The following GRID1 variants were observed in gnomAD, a reference collection of about 807,000 sequenced individuals.
GRID1 encodes glutamate ionotropic receptor delta type subunit 1.
GRID1 carries 28 observed loss-of-function variants against 98.0 expected under a neutral mutation model. The observed-to-expected ratio is 0.29, with a 90% CI of 0.21 to 0.39. GRID1 has a LOEUF of 0.39. GRID1 is among the 10% of genes least tolerant of loss of function. The probability of loss-of-function intolerance (pLI) is 1.00; values close to 1 mark genes in which losing one functional copy is unlikely to be tolerated. For missense variants in GRID1, 1,111 were observed against 1,340.5 expected (o/e 0.83, Z 2.67); for synonymous variants, 553 against 538.5 (o/e 1.03, Z -0.37).
chr10:86,342,775 GGGCAAACCCTGTGCGCTGT>G (rs1277316676), intron 2 of GRID1, among the ~76,000 whole-genome samples: 1 of 152,252 alleles, frequency 6.6e-6, no homozygotes, highest in African/African-American at 2.4e-5. Context: ...CCCCAGCAGT[GGGCAAACCCTGTGCGCTGT>G]GAGCCCCGGC....
At chr10:85,776,161 C>A (rs189545147) in intron 8 of GRID1, among the ~76,000 whole-genome samples, 3 of 152,250 alleles carry the variant, frequency 2.0e-5, no homozygotes, top group Non-Finnish European at 4.4e-5. Context: ...CCCTTGCCTG[C>A]TGGAGGAAAT....
At chr10:85,978,866 C>T (rs1020447360) in intron 4 of GRID1, among the ~76,000 whole-genome samples, 11 of 152,206 alleles carry the variant, frequency 7.2e-5, no homozygotes, top group South Asian at 2.1e-4. Context: ...CCTCCTGGAA[C>T]GCTTACAGTA....
chr10:85,602,411 C>A lies in GRID1; in HGVS notation c.2892G>T (p.Met964Ile), dbSNP rs202246059. 7.1e-5 allele frequency: 115 copies of A among 1,613,852 alleles called. No homozygotes were observed. The highest frequency in any genetic ancestry group is 9.3e-5 in the Non-Finnish European group (110 of 1,179,978). ...PLSSSATMPS[M>I]QCKHRSPNGG... ...CGTTGGGTGACCTGTGTTTGCACTGCATGGAGGGCATGGTCGCCGAGCTGC... is the reference window on the plus strand; with the variant it reads ...CGTTGGGTGACCTGTGTTTGCACTGAATGGAGGGCATGGTCGCCGAGCTGC... The change falls in exon 16 of 16, where the codon ATG (methionine) becomes ATT (isoleucine). Residue 964 changes from methionine (M) to isoleucine (I), a missense_variant. Met to Ile is a conservative substitution (Grantham distance 10). Around this residue, in one of 3 missense-constraint regions of GRID1, gnomAD observed 762 missense variants for 869.1 expected, o/e 0.88. Transcript: ENST00000327946.
chr10:86,299,646 A>G (rs1464877701), intron 2 of GRID1, among the ~76,000 whole-genome samples: 1 of 152,176 alleles, frequency 6.6e-6, no homozygotes, highest in African/African-American at 2.4e-5. Flanking sequence ...AGTGGGCAAT[A>G]AGATTTCAAT....
At chr10:85,855,834 T>G (rs1467610553) in intron 7 of GRID1, among the ~76,000 whole-genome samples, 195 bp downstream of exon 7, 3 of 152,200 alleles carry the variant, frequency 2.0e-5, no homozygotes, top group African/African-American at 7.2e-5. Context: ...AATGATAGTA[T>G]GTATTCATGG....
At chr10:86,341,524 C>T (rs991248733) in intron 2 of GRID1, among the ~76,000 whole-genome samples, 9 of 152,226 alleles carry the variant, frequency 5.9e-5, no homozygotes, top group Admixed American at 3.9e-4. Flanking sequence ...GGGCTCCCGG[C>T]CACGGCTTTC....
At chr10:85,972,399 C>T (rs1002975900) in intron 4 of GRID1, among the ~76,000 whole-genome samples, 1 of 148,230 alleles carries the variant, frequency 6.7e-6, no homozygotes, top group African/African-American at 2.5e-5. Flanking sequence ...TCCCATGAAT[C>T]GTCAGATTCC....
At chr10:85,620,823 T>C (rs759640843) in intron 13 of GRID1, among the ~76,000 whole-genome samples, 3 of 152,196 alleles carry the variant, frequency 2.0e-5, no homozygotes, top group Non-Finnish European at 4.4e-5. Flanking sequence ...TATGCACCCA[T>C]AAATATGTGT....
intron 4 of GRID1, among the ~76,000 whole-genome samples, chr10:86,004,338 C>A (rs1830417733): frequency 6.6e-6 from 1 of 152,192 alleles, no homozygotes; most frequent in African/African-American, 2.4e-5. Context: ...CCAAAAAGAG[C>A]TTCCCAAAGT....
chr10:85,624,242 A>G (rs921055092), intron 13 of GRID1, among the ~76,000 whole-genome samples: 15 of 152,320 alleles, frequency 9.8e-5, no homozygotes, highest in African/African-American at 3.6e-4. Context: ...TAAAACAAAA[A>G]CAAACACTGT....
At chr10:85,807,987 AC>A (rs1198997733) in intron 8 of GRID1, among the ~76,000 whole-genome samples, 43 of 152,296 alleles carry the variant, frequency 2.8e-4, no homozygotes, top group African/African-American at 1.0e-3. Context: ...CCCAGGAGAT[AC>A]CTTTATTTGA....
chr10:86,181,419 A>T (rs1227805000), intron 3 of GRID1, among the ~76,000 whole-genome samples: 1 of 152,174 alleles, frequency 6.6e-6, no homozygotes, highest in Non-Finnish European at 1.5e-5. Flanking sequence ...GGACACTAAC[A>T]TGAACCCAGA....
At chr10:85,832,468 A>C (rs188701606) in intron 8 of GRID1, among the ~76,000 whole-genome samples, 1 of 152,304 alleles carries the variant, frequency 6.6e-6, no homozygotes, top group Non-Finnish European at 1.5e-5. Context: ...AAGGATAATA[A>C]ATTATTACTA....
chr10:86,268,722 G>A (rs1233818291), intron 2 of GRID1, among the ~76,000 whole-genome samples: 2 of 152,206 alleles, frequency 1.3e-5, no homozygotes, highest in African/African-American at 4.8e-5. Context: ...CGGGCGCAGT[G>A]GCTCACACCT....
At chr10:86,167,740 C>A (rs1292284842) in intron 3 of GRID1, among the ~76,000 whole-genome samples, 2 of 152,228 alleles carry the variant, frequency 1.3e-5, no homozygotes, top group Non-Finnish European at 2.9e-5. Context: ...TCTAGAGACT[C>A]TGATGTTAGA....
chr10:85,992,900 G>A (rs1842699215), intron 4 of GRID1, among the ~76,000 whole-genome samples: 1 of 152,166 alleles, frequency 6.6e-6, no homozygotes, highest in Non-Finnish European at 1.5e-5. Flanking sequence ...GCTGCAGTAA[G>A]CTATGATTGC....
intron 2 of GRID1, among the ~76,000 whole-genome samples, chr10:86,269,397 C>T (rs1318244768): frequency 6.6e-6 from 1 of 152,190 alleles, no homozygotes; most frequent in South Asian, 2.1e-4. Context: ...TGCTGTGTGG[C>T]CTCACTGAGG....
At chr10:86,294,094 A>AGTATGGAGTAT (rs1254610773) in intron 2 of GRID1, among the ~76,000 whole-genome samples, 3 of 152,112 alleles carry the variant, frequency 2.0e-5, no homozygotes, top group African/African-American at 7.2e-5. Context: ...TAGAAGCTGG[A>AGTATGGAGTAT]GGAGTATGGA....
At chr10:85,897,001 C>T (rs1034946309) in intron 5 of GRID1, among the ~76,000 whole-genome samples, 3 of 152,100 alleles carry the variant, frequency 2.0e-5, no homozygotes, top group African/African-American at 4.8e-5. Flanking sequence ...ATGCTATTTA[C>T]TGACATGATA....
Sources: gnomAD v4.1 joint callset for allele counts (sites outside exome capture counted in the v4.1 genomes callset) on GRCh38, gnomAD v4.1.1 for gene constraint, gnomAD v4.1.1 regional missense constraint, MANE v1.5 for transcripts, NCBI Gene and HGNC (gene_info 2026-07-23, HGNC 2026-07-21) for gene names.